The following PTPRN2 variants were observed in gnomAD, a reference collection of about 807,000 sequenced individuals.
PTPRN2 encodes the protein protein tyrosine phosphatase receptor type N2.
A neutral mutation model predicts 118.8 loss-of-function variants in PTPRN2; 74 were observed. The observed-to-expected ratio is 0.62, with a 90% confidence interval of 0.52 to 0.76. The LOEUF (loss-of-function observed/expected upper bound fraction) is 0.76. Among genes scored for constraint, PTPRN2 ranks in the 30% least tolerant of loss-of-function variants. The pLI, the probability that PTPRN2 is intolerant of heterozygous loss-of-function variation, is 0.00. For missense variants in PTPRN2, 1,481 were observed against 1,394.4 expected (o/e 1.06, Z -0.99); for synonymous variants, 641 against 608.0 (o/e 1.05, Z -0.80).
intron 1 of PTPRN2, among the ~76,000 whole-genome samples, chr7:158,545,731 G>A (rs1487874744): frequency 2.0e-5 from 3 of 152,170 alleles, no homozygotes; most frequent in African/African-American, 7.2e-5. Flanking sequence ...AGGCCCAGTG[G>A]CTCACACCTG....
At chr7:157,866,830 G>GCT (rs1554475919) in intron 12 of PTPRN2, among the ~76,000 whole-genome samples, 3 of 7,438 alleles carry the variant, frequency 4.0e-4, no homozygotes, top group African/African-American at 1.7e-3. Context: ...GGCCACCACC[G>GCT]CCCCCCCCCG....
chr7:158,286,250 T>C (rs942038134), intron 3 of PTPRN2, among the ~76,000 whole-genome samples: 5 of 152,270 alleles, frequency 3.3e-5, no homozygotes, highest in African/African-American at 1.2e-4. Context: ...ACAGTGTTTT[T>C]GGTGGCATCT....
intron 11 of PTPRN2, among the ~76,000 whole-genome samples, chr7:158,042,466 C>G (rs1195322691): frequency 6.6e-6 from 1 of 152,236 alleles, no homozygotes; most frequent in Non-Finnish European, 1.5e-5. Context: ...CTCTCTACCA[C>G]ACGCATGAAT....
At position 158,521,843 on chromosome 7, in the gene PTPRN2, C is replaced by T. The variant is rs867824561; in HGVS notation, c.113-32058G>A. Among the ~76,000 whole-genome samples the T allele has an allele frequency of 1.8e-3, 114 of 64,170 alleles. 3 individuals are homozygous for T. Among genetic ancestry groups the T allele is most frequent in the Non-Finnish European group, 2.6e-3 (77 of 29,078 alleles). 42.1% of individuals were successfully genotyped at this position (64,170 alleles called of 152,430 possible). On this transcript the variant is annotated intron_variant, in intron 1 of 22. Transcript: ENST00000389418. ...GTCCACGTCACAATGGTGGACTGTC[C>T]GGGTAGTGGCTCGGGAGGGAGGTCC...
chr7:158,177,124 G>C (rs1173849884), intron 5 of PTPRN2, among the ~76,000 whole-genome samples: 2 of 152,202 alleles, frequency 1.3e-5, no homozygotes, highest in African/African-American at 2.4e-5. Context: ...CATCCAGAGG[G>C]GAACTGCTGA....
intron 1 of PTPRN2, among the ~76,000 whole-genome samples, chr7:158,532,140 T>C (rs1325127574): frequency 3.9e-5 from 6 of 152,324 alleles, no homozygotes; most frequent in Non-Finnish European, 7.4e-5. Flanking sequence ...AGAGGCTCCC[T>C]AAAGAAGGGG....
At chr7:157,930,956 G>A (rs548271776) in intron 11 of PTPRN2, among the ~76,000 whole-genome samples, 32 of 152,196 alleles carry the variant, frequency 2.1e-4, no homozygotes, top group African/African-American at 7.2e-4. Flanking sequence ...CAGCTAAGAG[G>A]CTGCACTGAA....
intron 2 of PTPRN2, among the ~76,000 whole-genome samples, chr7:158,374,126 G>A (rs1810316343): frequency 6.6e-6 from 1 of 152,174 alleles, no homozygotes; most frequent in Non-Finnish European, 1.5e-5. Flanking sequence ...CTTGGGGCAA[G>A]TGCACTTACC....
intron 6 of PTPRN2, among the ~76,000 whole-genome samples, chr7:158,146,338 T>C (rs1819994319): frequency 6.6e-6 from 1 of 152,164 alleles, no homozygotes; most frequent in African/African-American, 2.4e-5. Flanking sequence ...CCAGTCTCCG[T>C]CCATCCCTCC....
chr7:158,393,630 C>A (rs557158855), intron 2 of PTPRN2, among the ~76,000 whole-genome samples: 3 of 152,146 alleles, frequency 2.0e-5, no homozygotes, highest in African/African-American at 4.8e-5. Flanking sequence ...CATCTTTCAG[C>A]GTCATTTTCA....
At chr7:158,444,732 C>T (rs112795298) in intron 2 of PTPRN2, among the ~76,000 whole-genome samples, 2 of 152,164 alleles carry the variant, frequency 1.3e-5, no homozygotes, top group Non-Finnish European at 2.9e-5. Context: ...TCCCTTTCCT[C>T]GTCCTCAGTG....
At chr7:158,359,562 AC>A (rs1390032111) in intron 2 of PTPRN2, among the ~76,000 whole-genome samples, 5 of 152,020 alleles carry the variant, frequency 3.3e-5, no homozygotes, top group Non-Finnish European at 5.9e-5. Context: ...TTTCAGCAAC[AC>A]CGCGACACTC....
chr7:157,811,424 G>A (rs373710064), intron 12 of PTPRN2, among the ~76,000 whole-genome samples: 20 of 150,748 alleles, frequency 1.3e-4, no homozygotes, highest in African/African-American at 4.9e-4. Flanking sequence ...AAGTAGATGC[G>A]TCTCCTCTCC....
At chr7:158,572,458 T>TCTGTGC (rs1471013196) in intron 1 of PTPRN2, among the ~76,000 whole-genome samples, 1 of 152,160 alleles carries the variant, frequency 6.6e-6, no homozygotes, top group Non-Finnish European at 1.5e-5. Context: ...CTGAGCCAGC[T>TCTGTGC]CTGTGCCTAC....
At chr7:158,102,099 C>G (rs140014273) in intron 10 of PTPRN2, among the ~76,000 whole-genome samples, 87 of 152,280 alleles carry the variant, frequency 5.7e-4, no homozygotes, top group African/African-American at 1.9e-3. Context: ...AGGCACTGAG[C>G]CCAGGTGCCA....
At chr7:158,267,492 T>C (rs1797963517) in intron 3 of PTPRN2, among the ~76,000 whole-genome samples, 1 of 152,036 alleles carries the variant, frequency 6.6e-6, no homozygotes, top group African/African-American at 2.4e-5. Context: ...GTCAAAGCGA[T>C]AGGAATTCAG....
At chr7:157,755,292 A>G (rs1801715693) in intron 12 of PTPRN2, among the ~76,000 whole-genome samples, 1 of 152,260 alleles carries the variant, frequency 6.6e-6, no homozygotes, top group South Asian at 2.1e-4. Context: ...CCAGAAACCC[A>G]GTACTGTGCC....
intron 12 of PTPRN2, among the ~76,000 whole-genome samples, chr7:157,826,486 G>A (rs1367397842): frequency 1.9e-5 from 1 of 53,658 alleles, no homozygotes; most frequent in African/African-American, 9.6e-5. Flanking sequence ...CCATTTCCAC[G>A]CGTGCTGTGC....
intron 3 of PTPRN2, among the ~76,000 whole-genome samples, chr7:158,221,999 G>T (rs1261686974): frequency 6.6e-6 from 1 of 152,134 alleles, no homozygotes; most frequent in African/African-American, 2.4e-5. Context: ...AATCATCAGA[G>T]AAATGCAAAC....
Sources: gnomAD v4.1 joint callset for allele counts (sites outside exome capture counted in the v4.1 genomes callset) on GRCh38, gnomAD v4.1.1 for gene constraint, MANE v1.5 for transcripts, NCBI Gene and HGNC (gene_info 2026-07-23, HGNC 2026-07-21) for gene names.